CEP120: variants seen among roughly 807,000 people sequenced by gnomAD.
The protein encoded by CEP120 is centrosomal protein of 120 kDa.
Under a neutral mutation model 126.5 loss-of-function variants are expected in CEP120, and 113 were observed. That is an observed-to-expected ratio of 0.89 (90% CI 0.77 to 1.04). The LOEUF (loss-of-function observed/expected upper bound fraction) is 1.04, where lower values mean the gene tolerates loss of function less well. Among genes scored for constraint, CEP120 ranks in the 50% least tolerant of loss-of-function variants. The probability of loss-of-function intolerance (pLI) is 0.00; values close to 1 mark genes in which losing one functional copy is unlikely to be tolerated. For synonymous variants in CEP120, 400 were observed against 394.3 expected, an observed-to-expected ratio of 1.01 and a Z score of -0.17; for missense variants, 1,230 against 1,155.7, an observed-to-expected ratio of 1.06 and a Z score of -0.93.
chr5:123,377,782 G>A (rs1183563678), intron 15 of CEP120, among the ~76,000 whole-genome samples: 1 of 151,982 alleles, frequency 6.6e-6, no homozygotes, highest in Non-Finnish European at 1.5e-5. Context: ...AAAACCCTAA[G>A]CACTTAACAT....
In CEP120 at chr5:123,399,145, C is replaced by T. The variant is rs1045771057; in HGVS notation, c.603G>A (p.Gln201=). The T allele has an allele frequency of 2.5e-6, 4 of 1,607,944 alleles. No homozygotes were observed. In the African/African-American group the frequency reaches 4.0e-5, roughly 16 times the overall value. The change falls in exon 5 of 20, where the codon CAG becomes CAA. Residue 201 remains glutamine, a synonymous_variant. Transcript: ENST00000306467. The stretch of plus-strand genomic sequence containing the variant: ...TCATGAAAAGTCTCACCTGTTCCAA[C>T]TGGGTAGCAAATGCTATGGTCACTG... ...IMSVTIAFAT[Q]LEQLIPCTMK...
chr5:123,355,994 A>C (rs1320817688), intron 18 of CEP120, among the ~76,000 whole-genome samples: 3 of 152,022 alleles, frequency 2.0e-5, no homozygotes, highest in African/African-American at 7.2e-5. Context: ...CTTTCTACAT[A>C]TGGCTAGCCA....
At position 123,367,012 on chromosome 5, in the gene CEP120, T is replaced by C. The variant is rs948528941; in HGVS notation, c.2482-2418A>G. Among the ~76,000 whole-genome samples, 11 of 151,886 alleles carry C rather than the reference T, an allele frequency of 7.2e-5. No individual in the cohort carries two copies. In the Admixed American group the frequency reaches 7.2e-4, roughly 10 times the overall value. The stretch of plus-strand genomic sequence containing the variant: ...GCTCAGCTCAGACTCTACCTCTACA[T>C]GAAGCTGTCTTACAACTACTAGATT... On this transcript the variant is annotated intron_variant, in intron 17 of 19. Transcript: ENST00000306467.
chr5:123,365,411 A>G (rs992350344), intron 17 of CEP120, among the ~76,000 whole-genome samples: 7 of 151,768 alleles, frequency 4.6e-5, no homozygotes, highest in Non-Finnish European at 5.9e-5. Context: ...TGATAATGTA[A>G]TAATCTGCTT....
At position 123,412,423 on chromosome 5, in the gene CEP120, C is replaced by A. The variant is rs1562092430; in HGVS notation, c.439G>T (p.Gly147Trp). 2 of 1,604,720 alleles carry A rather than the reference C, an allele frequency of 1.2e-6. No homozygotes were observed. Among genetic ancestry groups the A allele is most frequent in the Non-Finnish European group, 1.7e-6 (2 of 1,176,954 alleles). Residue 147 changes from glycine (G) to tryptophan (W), a missense_variant, in exon 4 of 20, where the codon GGG becomes TGG. Gly to Trp is a radical substitution (Grantham distance 184). Transcript: ENST00000306467. ...KPPVDSFKAK[G>W]APPRDGKVPA... Reference sequence around the variant, plus strand: ...CCTTTTCCATCTCGAGGGGGAGCCCCCTTTGCTTTAAAGCTATCCACTGGT... The same window carrying A: ...CCTTTTCCATCTCGAGGGGGAGCCCACTTTGCTTTAAAGCTATCCACTGGT...
At chr5:123,402,137 G>A in intron 4 of CEP120, 2 of 1,585,290 alleles carry the variant, frequency 1.3e-6, no homozygotes, top group Non-Finnish European at 1.7e-6. Flanking sequence ...GCAGGCTCTG[G>A]TTGACTGTGA....
chr5:123,401,712 C>A, intron 4 of CEP120: 1 of 1,357,792 alleles, frequency 7.4e-7, no homozygotes. Flanking sequence ...AGGCGAGACT[C>A]CAGCTCTACC....
At position 123,399,261 on chromosome 5, in the gene CEP120, C is replaced by CCCT; in HGVS notation, c.486_487insAGG (p.Leu162_Asp163insArg). The CCCT allele has an allele frequency of 6.2e-7, 1 of 1,614,114 alleles. No individual in the cohort carries two copies. The highest frequency in any genetic ancestry group is 8.5e-7 in the Non-Finnish European group (1 of 1,179,996). On this transcript the variant is annotated inframe_insertion, in exon 5 of 20. Coordinates refer to ENST00000306467, the MANE Select transcript of CEP120 (RefSeq NM_001375405.1). ...AGCACAGCCACAATGTCCCTGGGGT[C>CCCT]AAGTCCAGCCAGGATGGCAGGTACT... is the stretch of plus-strand genomic sequence containing the variant.
intron 4 of CEP120, among the ~76,000 whole-genome samples, chr5:123,409,193 C>T (rs1003564085): frequency 2.0e-5 from 3 of 152,114 alleles, no homozygotes; most frequent in African/African-American, 7.2e-5. Context: ...ATAATCTTAT[C>T]AATAGATGCA....
At chr5:123,422,838 A>C in intron 1 of CEP120, 112 bp downstream of exon 1, 2 of 1,009,928 alleles carry the variant, frequency 2.0e-6, no homozygotes, top group Non-Finnish European at 3.1e-6. Flanking sequence ...GTCTGTGGGG[A>C]CCACAAAAGC....
At position 123,388,430 on chromosome 5, in the gene CEP120, A is replaced by G. The variant is rs1772166991; in HGVS notation, c.1430+2T>C. 1 of 1,493,332 alleles carries G rather than the reference A, an allele frequency of 6.7e-7. No homozygotes were observed. Among genetic ancestry groups the G allele is most frequent in the Non-Finnish European group, 8.9e-7 (1 of 1,118,578 alleles). The allele number at this position is 1,493,332 out of a possible 1,614,324, so 92.5% of individuals were successfully genotyped here. A position where few individuals can be genotyped will look rare whatever the true frequency, so the allele number is the denominator to read the frequency against. On this transcript the variant is annotated splice_donor_variant, in intron 9 of 19. Coordinates refer to ENST00000306467, the MANE Select transcript of CEP120 (RefSeq NM_001375405.1). LOFTEE classifies it high-confidence loss of function. Reference sequence around the variant, plus strand: ...ATACTTTGAAACAAAATCAAATCACACCTTAATATACAGTTGATTGGAAAA... The same window carrying G: ...ATACTTTGAAACAAAATCAAATCACGCCTTAATATACAGTTGATTGGAAAA...
intron 14 of CEP120, among the ~76,000 whole-genome samples, chr5:123,380,198 A>C (rs959887486): frequency 1.3e-5 from 2 of 152,118 alleles, no homozygotes; most frequent in African/African-American, 4.8e-5. Context: ...ATATTTCATC[A>C]TACTGAAAAA....
rs1369809855 is a variant in CEP120 at position 123,385,012 on chromosome 5, T to C, written c.1702A>G (p.Asn568Asp). Residue 568 changes from asparagine (N) to aspartate (D), a missense_variant, in exon 11 of 20, where the codon AAT becomes GAT. By Grantham distance (23) the Asn-to-Asp change is conservative (BLOSUM62 1). Coordinates refer to ENST00000306467, the MANE Select transcript of CEP120 (RefSeq NM_001375405.1). Reference sequence around the variant, plus strand: ...GTTTGACGCCAACACTGTTCACCATTAGAACCTAAAAAACGAGTTTTTTCT... The same window carrying C: ...GTTTGACGCCAACACTGTTCACCATCAGAACCTAAAAAACGAGTTTTTTCT... Reference protein sequence around the residue: ...SSEKTRFLGSNGEQCWRQTYS... With the variant: ...SSEKTRFLGSDGEQCWRQTYS... The C allele has an allele frequency of 1.2e-6, 2 of 1,613,770 alleles. No homozygotes were observed. The highest frequency in any genetic ancestry group is 3.3e-5 in the Admixed American group (2 of 59,972).
chr5:123,376,665 G>A (rs969144928), intron 16 of CEP120, among the ~76,000 whole-genome samples: 7 of 152,050 alleles, frequency 4.6e-5, no homozygotes, highest in Admixed American at 2.6e-4. Flanking sequence ...ACCACAGTGG[G>A]TTTTAAATGC....
rs568081479 is a variant in CEP120 at position 123,416,015 on chromosome 5, T to G, written c.316A>C (p.Lys106Gln). ...AAACATCAAAAGGGCAATACCTGCT[T>G]TGTTTCTTGAGCGGTTCTTAAATCC... is the stretch of plus-strand genomic sequence containing the variant. The part of the protein sequence containing the change: ...VLDLRTAQET[K>Q]QAPKWYQLLS... The change falls in exon 3 of 20, where the codon AAG (lysine) becomes CAG (glutamine). Residue 106 changes from lysine (K) to glutamine (Q), a missense_variant. Coordinates refer to ENST00000306467, the MANE Select transcript of CEP120 (RefSeq NM_001375405.1). 2.7e-5 allele frequency: 44 copies of G among 1,607,718 alleles called. No homozygotes were observed. In the Admixed American group the frequency reaches 5.7e-4, roughly 21 times the overall value.
intron 8 of CEP120, among the ~76,000 whole-genome samples, chr5:123,389,575 A>G (rs1310130637): frequency 6.6e-6 from 1 of 152,162 alleles, no homozygotes; most frequent in African/African-American, 2.4e-5. Flanking sequence ...ATCTTGGCTC[A>G]CCACAACCTC....
intron 4 of CEP120, among the ~76,000 whole-genome samples, chr5:123,399,548 T>C (rs997820363): frequency 2.0e-5 from 3 of 152,090 alleles, no homozygotes; most frequent in Non-Finnish European, 2.9e-5. Context: ...GCATCTAACA[T>C]AGGTTTTACA....
At chr5:123,367,246 T>C (rs1360223120) in intron 17 of CEP120, among the ~76,000 whole-genome samples, 1 of 151,954 alleles carries the variant, frequency 6.6e-6, no homozygotes, top group African/African-American at 2.4e-5. Flanking sequence ...TGGCATATAG[T>C]AGATACTCAC....
chr5:123,386,048 G>C (rs1771999428), intron 10 of CEP120, among the ~76,000 whole-genome samples: 1 of 151,978 alleles, frequency 6.6e-6, no homozygotes, highest in South Asian at 2.1e-4. Flanking sequence ...GAAAGTAAAA[G>C]GTGTTTCGCA....
Sources: allele counts gnomAD v4.1 joint callset (sites outside exome capture counted in the v4.1 genomes callset), GRCh38; gene constraint gnomAD v4.1.1; transcripts MANE v1.5; gene names NCBI Gene and HGNC (gene_info 2026-07-23, HGNC 2026-07-21).